The following CEP152 variants were observed in gnomAD, a reference collection of about 807,000 sequenced individuals.
The protein encoded by CEP152 is centrosomal protein 152.
Under a neutral mutation model 188.9 loss-of-function variants are expected in CEP152, and 132 were observed. That is an observed-to-expected ratio of 0.70 (90% CI 0.61 to 0.81). The LOEUF is 0.81. CEP152 is among the 30% of genes least tolerant of loss of function. The probability of loss-of-function intolerance (pLI) is 0.00; values close to 1 mark genes in which losing one functional copy is unlikely to be tolerated. For synonymous variants in CEP152, 649 were observed against 666.6 expected (o/e 0.97, Z 0.41); for missense variants, 1,914 against 1,969.8 (o/e 0.97, Z 0.54).
chr15:48,756,541 C>G lies in CEP152; in HGVS notation c.2707G>C (p.Val903Leu). ...TTCCATTTCTCTTTAGCTTCAGAAACAGCAAATGATATCTAAAGAACATAA... is the reference window on the plus strand; with the variant it reads ...TTCCATTTCTCTTTAGCTTCAGAAAGAGCAAATGATATCTAAAGAACATAA... Reference protein sequence around the residue: ...VSVNKRISFAVSEAKEKWKSE... With the variant: ...VSVNKRISFALSEAKEKWKSE... The change falls in exon 20 of 27, where the codon GTT becomes CTT. Residue 903 changes from valine (V) to leucine (L), a missense_variant. Physicochemically the swap from Val to Leu is conservative, Grantham distance 32 (BLOSUM62 1). Coordinates refer to ENST00000380950, the MANE Select transcript of CEP152 (RefSeq NM_001194998.2). 6.2e-7 allele frequency: 1 copy of G among 1,605,816 alleles called. No homozygotes were observed. Among genetic ancestry groups the G allele is most frequent in the Non-Finnish European group, 8.5e-7 (1 of 1,179,750 alleles).
intron 12 of CEP152, among the ~76,000 whole-genome samples, chr15:48,778,898 G>A (rs1330898713): frequency 2.7e-5 from 4 of 149,796 alleles, no homozygotes; most frequent in South Asian, 4.2e-4. Context: ...GCAGTGAGCC[G>A]AGATCATGCC....
chr15:48,763,328 G>C (rs915160456), intron 17 of CEP152, among the ~76,000 whole-genome samples: 1 of 152,214 alleles, frequency 6.6e-6, no homozygotes, highest in Non-Finnish European at 1.5e-5. Flanking sequence ...TTCTCCTACT[G>C]TTTCCCTGGC....
At chr15:48,802,361 A>T (rs1274779715) in intron 2 of CEP152, among the ~76,000 whole-genome samples, 2 of 152,118 alleles carry the variant, frequency 1.3e-5, no homozygotes. Context: ...GAGAAACATA[A>T]GTAATGTGTG....
At chr15:48,784,161 G>T (rs754510004) in intron 9 of CEP152, 41 bp from the exon 10 acceptor site, 18 of 1,581,040 alleles carry the variant, frequency 1.1e-5, no homozygotes, top group South Asian at 3.4e-5. Context: ...TTCATAAAGA[G>T]TTTTAATAAA....
chr15:48,807,267 T>C (rs1898038764), intron 1 of CEP152, among the ~76,000 whole-genome samples: 2 of 152,130 alleles, frequency 1.3e-5, no homozygotes, highest in East Asian at 1.9e-4. Context: ...GATGAAGATA[T>C]GAATATGATA....
chr15:48,741,565 G>C (rs1376001282), intron 26 of CEP152, 36 bp downstream of exon 26: 1 of 1,613,718 alleles, frequency 6.2e-7, no homozygotes. Flanking sequence ...AAGAAGAAAA[G>C]ATAGAAAAAC....
At chr15:48,756,696 A>C in intron 19 of CEP152, 143 bp from the exon 20 acceptor site, 1 of 776,326 alleles carries the variant, frequency 1.3e-6, no homozygotes, top group South Asian at 1.8e-5. Context: ...TAGATAAGAC[A>C]TTATTCTAAA....
intron 2 of CEP152, among the ~76,000 whole-genome samples, chr15:48,799,617 TC>T (rs1897546554): frequency 6.6e-6 from 1 of 152,186 alleles, no homozygotes; most frequent in African/African-American, 2.4e-5. Flanking sequence ...AATGCTCATC[TC>T]CACATGCAAG....
chr15:48,796,553 T>C (rs1897309936), intron 5 of CEP152, among the ~76,000 whole-genome samples: 1 of 152,152 alleles, frequency 6.6e-6, no homozygotes, highest in South Asian at 2.1e-4. Flanking sequence ...TCCAATAACA[T>C]GAACATGGAC....
At chr15:48,775,136 C>T (rs1229448116) in intron 12 of CEP152, among the ~76,000 whole-genome samples, 1 of 151,608 alleles carries the variant, frequency 6.6e-6, no homozygotes, top group Non-Finnish European at 1.5e-5. Context: ...ATGAACAGAG[C>T]CTCAAGAAAC....
At chr15:48,782,655 C>A (rs1216720242) in intron 10 of CEP152, among the ~76,000 whole-genome samples, 2 of 152,304 alleles carry the variant, frequency 1.3e-5, no homozygotes, top group African/African-American at 2.4e-5. Flanking sequence ...TTCTATCCAG[C>A]ATCCCCACCT....
chr15:48,754,185 C>T (rs1387953816), intron 20 of CEP152, among the ~76,000 whole-genome samples: 10 of 152,088 alleles, frequency 6.6e-5, no homozygotes. Flanking sequence ...TCTGACCCAC[C>T]CAACAAAAGC....
intron 5 of CEP152, among the ~76,000 whole-genome samples, chr15:48,796,656 G>A (rs1045654497): frequency 7.2e-5 from 11 of 152,016 alleles, no homozygotes; most frequent in African/African-American, 2.4e-4. Flanking sequence ...CCACTTAACA[G>A]CCTAAAAAAT....
chr15:48,759,832 G>A (rs1404538643), intron 19 of CEP152, among the ~76,000 whole-genome samples: 2 of 152,152 alleles, frequency 1.3e-5, no homozygotes, highest in Admixed American at 1.3e-4. Context: ...CATGTGAAAG[G>A]ATACTGTATA....
At chr15:48,733,879 G>T (rs933737778), downstream of CEP152, among the ~76,000 whole-genome samples, 2 of 152,084 alleles carry the variant, frequency 1.3e-5, no homozygotes, top group Admixed American at 6.5e-5. Context: ...GAGGAAAAAA[G>T]TCAACCGAGA....
downstream of CEP152, among the ~76,000 whole-genome samples, chr15:48,736,823 T>C (rs115433666): frequency 7.1e-4 from 108 of 152,194 alleles, no homozygotes; most frequent in African/African-American, 2.6e-3. Context: ...GTGGAAAAGG[T>C]AGGTGAGCAA....
chr15:48,769,139 GA>G, intron 13 of CEP152, 58 bp from the exon 14 acceptor site: 1 of 1,408,872 alleles, frequency 7.1e-7, no homozygotes, highest in Non-Finnish European at 9.9e-7. Flanking sequence ...GTTTCACTTT[GA>G]AATACTTCCA....
chr15:48,776,288 CT>C (rs1157931796), intron 12 of CEP152, among the ~76,000 whole-genome samples: 1 of 151,908 alleles, frequency 6.6e-6, no homozygotes, highest in East Asian at 1.9e-4. Flanking sequence ...AGAGAAATAC[CT>C]TATTTTTAAA....
intron 22 of CEP152, among the ~76,000 whole-genome samples, chr15:48,748,082 T>A (rs571961729): frequency 2.8e-4 from 43 of 152,266 alleles, no homozygotes; most frequent in African/African-American, 1.0e-3. Context: ...TGTTGTTAGA[T>A]CTCCTCACTT....
Sources: allele counts gnomAD v4.1 joint callset (sites outside exome capture counted in the v4.1 genomes callset), GRCh38; gene constraint gnomAD v4.1.1; transcripts MANE v1.5; gene names NCBI Gene and HGNC (gene_info 2026-07-23, HGNC 2026-07-21).